The following SORCS2 variants were observed in gnomAD, a reference collection of about 807,000 sequenced individuals.
SORCS2 encodes sortilin related VPS10 domain containing receptor 2, also known as VPS10 domain-containing receptor SorCS2.
SORCS2 carries 100 observed loss-of-function variants against 141.6 expected under a neutral mutation model. The observed-to-expected ratio is 0.71, with a 90% CI of 0.60 to 0.83. The LOEUF (loss-of-function observed/expected upper bound fraction) is 0.83, where lower values mean the gene tolerates loss of function less well. Ranked by LOEUF, SORCS2 falls within the 40% of genes least tolerant of loss-of-function variation. The pLI is 0.00. For missense variants in SORCS2, 1,646 were observed against 1,560.2 expected (o/e 1.05, Z -0.93); for synonymous variants, 789 against 676.9 (o/e 1.17, Z -2.57).
In SORCS2 at chr4:7,628,889, A is replaced by T. The variant is rs545664056; in HGVS notation, c.649-9439A>T. Among the ~76,000 whole-genome samples the T allele has an allele frequency of 5.3e-5, 8 of 152,322 alleles. No individual in the cohort carries two copies. The South Asian group carries it at 1.7e-3, about 32-fold the overall frequency. ...TTTATGATATGTCTGTTTTGCCACA[A>T]TAAGAAATAATAATATAAAAGGATG... is the stretch of plus-strand genomic sequence containing the variant. On this transcript the variant is annotated intron_variant, in intron 3 of 26. Coordinates refer to ENST00000507866, the MANE Select transcript of SORCS2 (RefSeq NM_020777.3).
At chr4:7,637,303 T>C (rs2108860902) in intron 3 of SORCS2, among the ~76,000 whole-genome samples, 1 of 120,006 alleles carries the variant, frequency 8.3e-6, no homozygotes, top group African/African-American at 3.4e-5. Context: ...GTCCCCTACA[T>C]CAGCACCTCG....
At chr4:7,368,119 G>C (rs1722016406) in intron 1 of SORCS2, among the ~76,000 whole-genome samples, 1 of 152,194 alleles carries the variant, frequency 6.6e-6, no homozygotes, top group Admixed American at 6.5e-5. Context: ...TGGTGAGGCG[G>C]GTGGTGGTGC....
chr4:7,539,561 C>A (rs920318260), intron 3 of SORCS2, among the ~76,000 whole-genome samples: 3 of 152,130 alleles, frequency 2.0e-5, no homozygotes, highest in African/African-American at 7.2e-5. Flanking sequence ...GGCTCCCTCT[C>A]CCTCCCTCCT....
intron 2 of SORCS2, among the ~76,000 whole-genome samples, chr4:7,439,147 C>T (rs1727492453): frequency 6.6e-6 from 1 of 151,928 alleles, no homozygotes; most frequent in Non-Finnish European, 1.5e-5. Context: ...CTCTTCCTGA[C>T]ATGGGGTGAA....
At chr4:7,724,154 G>C (rs59783387) in intron 19 of SORCS2, among the ~76,000 whole-genome samples, 1 of 147,580 alleles carries the variant, frequency 6.8e-6, no homozygotes, top group Non-Finnish European at 1.5e-5. Context: ...GGTCGTGGTG[G>C]TGGTGGTGAT....
chr4:7,400,687 A>G (rs1724517670), intron 2 of SORCS2, among the ~76,000 whole-genome samples: 1 of 151,920 alleles, frequency 6.6e-6, no homozygotes, highest in African/African-American at 2.4e-5. Flanking sequence ...GAATGGCTTG[A>G]CAGATGGATG....
chr4:7,605,107 G>A (rs1437554177), intron 3 of SORCS2, among the ~76,000 whole-genome samples: 3 of 152,224 alleles, frequency 2.0e-5, no homozygotes, highest in Non-Finnish European at 4.4e-5. Context: ...GTTCCTTCGT[G>A]TGAGGGATCC....
Position 7,689,521 on chromosome 4 carries a change from A to C in SORCS2, c.1524A>C (p.Ala508=), listed in dbSNP as rs111339092. The part of the protein sequence containing the change: ...DCHLHLHLRW[A]DNPYVSGTVH... The stretch of plus-strand genomic sequence containing the variant: ...ACCTGCACCTGCACCTGCGCTGGGC[A>C]GACAACCCCTACGTATCAGGCACCG... Residue 508 remains alanine, a synonymous_variant, in exon 11 of 27, where the codon GCA becomes GCC. Coordinates refer to ENST00000507866, the MANE Select transcript of SORCS2 (RefSeq NM_020777.3). 2.2e-3 allele frequency: 3,584 copies of C among 1,606,672 alleles called. 72 individuals are homozygous for C. The African/African-American group carries it at 0.043, about 19-fold the overall frequency.
chr4:7,706,079 C>CCGTCTGGGCAGGGATGAGGCTGAGCTCTG (rs1560498547), intron 14 of SORCS2, among the ~76,000 whole-genome samples: 1 of 144,190 alleles, frequency 6.9e-6, no homozygotes. Context: ...AGGCTGGGCT[C>CCGTCTGGGCAGGGATGAGGCTGAGCTCTG]TGCCTGGACA....
Position 7,195,670 on chromosome 4 carries a change from G to A in SORCS2, c.480+2544G>A, listed in dbSNP as rs115498282. 1.5e-3 allele frequency among the ~76,000 whole-genome samples: 228 copies of A among 152,322 alleles called. 2 individuals carry two copies. Among genetic ancestry groups the A allele is most frequent in the African/African-American group, 5.3e-3 (220 of 41,560 alleles). ...CATTGCCTTAGTGCTTGTTGCATGC[G>A]TAGTATTGTTTTCTCAGCACACGCC... On this transcript the variant is annotated intron_variant, in intron 1 of 26. Coordinates refer to ENST00000507866, the MANE Select transcript of SORCS2 (RefSeq NM_020777.3).
intron 2 of SORCS2, among the ~76,000 whole-genome samples, chr4:7,446,766 C>G (rs538330918): frequency 1.3e-5 from 2 of 152,306 alleles, no homozygotes; most frequent in African/African-American, 4.8e-5. Flanking sequence ...GCAGTGGCCA[C>G]CAGGGGCAAT....
At chr4:7,404,007 T>A (rs1374660970) in intron 2 of SORCS2, among the ~76,000 whole-genome samples, 98 of 65,728 alleles carry the variant, frequency 1.5e-3, no homozygotes, top group African/African-American at 4.3e-3. Flanking sequence ...ATTTTTTTTT[T>A]TTTTTTAGTA....
intron 11 of SORCS2, among the ~76,000 whole-genome samples, chr4:7,696,611 C>T (rs895841320): frequency 6.6e-6 from 1 of 152,208 alleles, no homozygotes; most frequent in Non-Finnish European, 1.5e-5. Context: ...GAGATGGACC[C>T]AATCAGCCCA....
chr4:7,362,434 C>T (rs974074825), intron 1 of SORCS2, among the ~76,000 whole-genome samples: 1 of 152,088 alleles, frequency 6.6e-6, no homozygotes, highest in African/African-American at 2.4e-5. Flanking sequence ...AAGTTGTTGC[C>T]AGCATTTTCT....
chr4:7,217,429 C>T lies in SORCS2; in HGVS notation c.480+24303C>T, dbSNP rs118058097. Among the ~76,000 whole-genome samples, 12 of 152,318 alleles carry T rather than the reference C, an allele frequency of 7.9e-5. No homozygotes were observed. The East Asian group carries it at 1.9e-3, about 24-fold the overall frequency. ...TGTAACCAACTCGCCTGGCTCGTGG[C>T]CTCTGGGTCCATCCTGCCTGCTGGT... On this transcript the variant is annotated intron_variant, in intron 1 of 26. Transcript: ENST00000507866.
intron 19 of SORCS2, among the ~76,000 whole-genome samples, chr4:7,724,126 GGTGGTGGTGGTGGTGATGGTC>G (rs1480817767): frequency 9.3e-5 from 13 of 139,088 alleles, no homozygotes; most frequent in Non-Finnish European, 1.6e-4. Context: ...TGGTGGTGGT[GGTGGTGGTGGTGGTGATGGTC>G]GTGGTGGTGG....
rs1723670187 is a variant in SORCS2 at position 7,683,350 on chromosome 4, CT to C, written c.1488+462del. Among the ~76,000 whole-genome samples, 20 of 143,100 alleles carry C rather than the reference CT, an allele frequency of 1.4e-4. 1 individual carries two copies. The South Asian group carries it at 4.2e-3, about 30-fold the overall frequency. 93.9% of individuals were successfully genotyped at this position (143,100 alleles called of 152,430 possible). On this transcript the variant is annotated intron_variant, in intron 10 of 26. Transcript: ENST00000507866. Reference sequence around the variant, plus strand: ...ACCTTGGCTGGGCTCCGCTGAGCGGCTCTGCTGATCTTGTCTGGGCTCAGCT... The same window carrying C: ...ACCTTGGCTGGGCTCCGCTGAGCGGCCTGCTGATCTTGTCTGGGCTCAGCT...
chr4:7,495,861 G>C (rs1731584203), intron 2 of SORCS2, among the ~76,000 whole-genome samples: 1 of 152,224 alleles, frequency 6.6e-6, no homozygotes. Context: ...CACCCACCCA[G>C]GGAGGAGCTG....
chr4:7,632,659 T>C (rs1429129246), intron 3 of SORCS2, among the ~76,000 whole-genome samples: 1 of 152,138 alleles, frequency 6.6e-6, no homozygotes, highest in African/African-American at 2.4e-5. Flanking sequence ...AGAAAGGGCC[T>C]GTGATGGAGA....
Sources: gnomAD v4.1 joint callset for allele counts (sites outside exome capture counted in the v4.1 genomes callset) on GRCh38, gnomAD v4.1.1 for gene constraint, MANE v1.5 for transcripts, NCBI Gene and HGNC (gene_info 2026-07-23, HGNC 2026-07-21) for gene names.